RIT1: variants seen among roughly 807,000 people sequenced by gnomAD.
RIT1 encodes Ras like without CAAX 1, also known as GTP-binding protein Rit1.
In RIT1, 6 loss-of-function variants were observed where a neutral mutation model predicts 25.6. That is an observed-to-expected ratio of 0.23 (90% CI 0.13 to 0.46). The LOEUF is 0.46. Ranked by LOEUF, RIT1 falls within the 20% of genes least tolerant of loss-of-function variation. The pLI is 0.99. For synonymous variants in RIT1, 81 were observed against 94.1 expected (o/e 0.86, Z 0.80); for missense variants, 219 against 284.4 (o/e 0.77, Z 1.65).
At chr1:155,908,618 G>A (rs1275244054) in intron 3 of RIT1, among the ~76,000 whole-genome samples, 2 of 147,140 alleles carry the variant, frequency 1.4e-5, no homozygotes, top group Admixed American at 1.4e-4. Context: ...GCTGGAGTGT[G>A]ATGGCACTAT....
In RIT1 at chr1:155,904,760, T is replaced by A. The variant is rs1394425355; in HGVS notation, c.208A>T (p.Asn70Tyr). 53 of 1,612,844 alleles carry A rather than the reference T, an allele frequency of 3.3e-5. No homozygotes were observed. The highest frequency in any genetic ancestry group is 3.5e-5 in the Non-Finnish European group (41 of 1,178,996). The change falls in exon 4 of 6, where the codon AAT becomes TAT. Residue 70 changes from asparagine (N) to tyrosine (Y), a missense_variant. Asn to Tyr is a moderately radical substitution (Grantham distance 143, BLOSUM62 -2). Transcript: ENST00000368323. ...IRIRIDDEPA[N>Y]LDILDTAGQA... ...CCAGCTGTATCCAAAATGTCCAGAT[T>A]GGCAGGCTCATCATCAATACGGATC...
chr1:155,909,934 A>C (rs1387508322), intron 3 of RIT1, among the ~76,000 whole-genome samples: 4 of 151,578 alleles, frequency 2.6e-5, no homozygotes, highest in Non-Finnish European at 4.4e-5. Context: ...AAAAAAAAAA[A>C]AAACAACAGA....
intron 5 of RIT1, among the ~76,000 whole-genome samples, chr1:155,903,122 C>G (rs1432049450): frequency 6.6e-6 from 1 of 151,948 alleles, no homozygotes; most frequent in Non-Finnish European, 1.5e-5. Context: ...ACGGTGAAAC[C>G]CCATCTCACT....
chr1:155,908,055 GCA>G (rs1163981155), intron 3 of RIT1, among the ~76,000 whole-genome samples: 1 of 150,142 alleles, frequency 6.7e-6, no homozygotes, highest in Non-Finnish European at 1.5e-5. Flanking sequence ...TCATGCCACT[GCA>G]CTCTAGCCTG....
chr1:155,906,980 C>T (rs761874265), intron 3 of RIT1, among the ~76,000 whole-genome samples: 3 of 151,344 alleles, frequency 2.0e-5, no homozygotes, highest in African/African-American at 2.4e-5. Context: ...TAGTGGCCTA[C>T]GCCTGCAGTC....
chr1:155,905,563 ATTG>A (rs1328748758), intron 3 of RIT1, among the ~76,000 whole-genome samples: 2 of 152,124 alleles, frequency 1.3e-5, no homozygotes, highest in African/African-American at 2.4e-5. Flanking sequence ...CATTTATTAA[ATTG>A]TTATTATCTA....
chr1:155,901,579 A>G (rs1034597957), intron 5 of RIT1, among the ~76,000 whole-genome samples: 1 of 152,122 alleles, frequency 6.6e-6, no homozygotes, highest in African/African-American at 2.4e-5. Flanking sequence ...CGGAGGTTAC[A>G]GTGAGCCAAG....
intron 3 of RIT1, among the ~76,000 whole-genome samples, chr1:155,907,279 G>C (rs577709122): frequency 6.9e-6 from 1 of 144,270 alleles, no homozygotes; most frequent in African/African-American, 2.6e-5. Context: ...TCACTCTGTC[G>C]CTCAGGGCGG....
intron 3 of RIT1, among the ~76,000 whole-genome samples, chr1:155,906,311 A>ATTT (rs1442697711): frequency 2.6e-5 from 4 of 152,042 alleles, no homozygotes; most frequent in Non-Finnish European, 5.9e-5. Context: ...TCCTTTTAAC[A>ATTT]TTTTTTCTTG....
intron 5 of RIT1, 101 bp downstream of exon 5, chr1:155,904,210 A>T: frequency 1.1e-6 from 1 of 931,834 alleles, no homozygotes; most frequent in Non-Finnish European, 1.6e-6. Context: ...TTCTATTTTA[A>T]GGCAAAAAAA....
intron 3 of RIT1, among the ~76,000 whole-genome samples, chr1:155,907,879 A>G (rs1673482349): frequency 1.3e-5 from 2 of 151,902 alleles, no homozygotes; most frequent in Non-Finnish European, 2.9e-5. Context: ...TCACAAGGTC[A>G]GGAGATCGAG....
Position 155,898,518 on chromosome 1 carries a change from A to AAAAAAAAAAT in RIT1, c.*1869_*1870insATTTTTTTTT, listed in dbSNP as rs1557956996. 2.5e-5 allele frequency: 1 copy of AAAAAAAAAAT among 40,762 alleles called. No homozygotes were observed. Among genetic ancestry groups the AAAAAAAAAAT allele is most frequent in the African/African-American group, 7.6e-5 (1 of 13,120 alleles). The allele number at this position is 40,762 out of a possible 1,614,324, so 2.5% of individuals were successfully genotyped here. On this transcript the variant is annotated 3_prime_UTR_variant, in exon 6 of 6. Coordinates refer to ENST00000368323, the MANE Select transcript of RIT1 (RefSeq NM_006912.6). ...AAAAAAAAAAAAAAAAAAAAAAAAAAATATATATATATATATATATATATA... is the reference window on the plus strand; with the variant it reads ...AAAAAAAAAAAAAAAAAAAAAAAAAAAAAAAAAAATATATATATATATATATATATATATA...
chr1:155,906,001 G>A (rs1673430725), intron 3 of RIT1, among the ~76,000 whole-genome samples: 1 of 151,816 alleles, frequency 6.6e-6, no homozygotes, highest in Non-Finnish European at 1.5e-5. Flanking sequence ...GCTAATTTTT[G>A]TATTTTTAGT....
At chr1:155,910,834 A>G (rs1291607162) in intron 1 of RIT1, 30 bp from the exon 2 acceptor site, 6 of 1,612,642 alleles carry the variant, frequency 3.7e-6, no homozygotes, top group Non-Finnish European at 5.1e-6. Context: ...TGCTTAATCC[A>G]GGATGGAGAC....
intron 5 of RIT1, among the ~76,000 whole-genome samples, chr1:155,903,165 G>A (rs576522765): frequency 5.3e-5 from 8 of 152,022 alleles, no homozygotes; most frequent in South Asian, 2.1e-4. Context: ...GCATGGTGGC[G>A]GACACCTGTA....
At chr1:155,908,454 CA>C (rs951246603) in intron 3 of RIT1, among the ~76,000 whole-genome samples, 2 of 138,790 alleles carry the variant, frequency 1.4e-5, no homozygotes, top group Non-Finnish European at 1.6e-5. Flanking sequence ...GACTCTGTCT[CA>C]AAAAAAAAGA....
rs1316609140 is a variant in RIT1, at chr1:155,899,541, G to GA, written c.*846dup. The GA allele has an allele frequency of 4.5e-6, 1 of 223,484 alleles. No individual in the cohort carries two copies. The highest frequency in any genetic ancestry group is 2.2e-5 in the African/African-American group (1 of 44,674). 13.8% of individuals were successfully genotyped at this position (223,484 alleles called of 1,614,324 possible). A position where few individuals can be genotyped will look rare whatever the true frequency, so the allele number is the denominator to read the frequency against. On this transcript the variant is annotated 3_prime_UTR_variant, in exon 6 of 6. Coordinates refer to ENST00000368323, the MANE Select transcript of RIT1 (RefSeq NM_006912.6). Reference sequence around the variant, plus strand: ...ATGTGTTGGTGTGTGCGTCTGTGGGGAAAAAATAAACCTGTACAAGGCAAT... The same window carrying GA: ...ATGTGTTGGTGTGTGCGTCTGTGGGGAAAAAAATAAACCTGTACAAGGCAAT...
In RIT1 at chr1:155,899,760, TGTAC is replaced by T; in HGVS notation, c.*624_*627del. 4.5e-6 allele frequency: 1 copy of T among 222,520 alleles called. No homozygotes were observed. Among genetic ancestry groups the T allele is most frequent in the Non-Finnish European group, 9.0e-6 (1 of 111,312 alleles). 13.8% of individuals were successfully genotyped at this position (222,520 alleles called of 1,614,324 possible). On this transcript the variant is annotated 3_prime_UTR_variant, in exon 6 of 6. Transcript: ENST00000368323. ...TATCCCGGTGAATTTGGGCCAAATGTGTACTTCTTAGAAAAGCGAAGCTTGTACT... is the reference window on the plus strand; with the variant it reads ...TATCCCGGTGAATTTGGGCCAAATGTTTCTTAGAAAAGCGAAGCTTGTACT...
chr1:155,899,193 T>C lies in RIT1; in HGVS notation c.*1195A>G, dbSNP rs1055184. On this transcript the variant is annotated 3_prime_UTR_variant, in exon 6 of 6. Transcript: ENST00000368323. ...ACTATGCACAGGGAGCAAAGTGGTA[T>C]TCCCTTAGGATAAACTTGGTCAAGG... is the stretch of plus-strand genomic sequence containing the variant. 0.83 allele frequency: 172,229 copies of C among 206,420 alleles called. 74,374 individuals are homozygous for C. Among genetic ancestry groups the C allele is most frequent in the East Asian group, 0.94 (12,763 of 13,540 alleles). 12.8% of individuals were successfully genotyped at this position (206,420 alleles called of 1,614,324 possible).
Sources: allele counts gnomAD v4.1 joint callset (sites outside exome capture counted in the v4.1 genomes callset), GRCh38; gene constraint gnomAD v4.1.1; transcripts MANE v1.5; gene names NCBI Gene and HGNC (gene_info 2026-07-23, HGNC 2026-07-21).